The following COL6A6 variants were observed in gnomAD, a reference collection of about 807,000 sequenced individuals.
The protein encoded by COL6A6 is collagen type VI alpha 6 chain.
In COL6A6, 183 loss-of-function variants were observed where a neutral mutation model predicts 208.6. The ratio of observed to expected loss-of-function variants is 0.88; its 90% CI spans 0.78 to 0.99. The LOEUF (loss-of-function observed/expected upper bound fraction) is 0.99, where lower values mean the gene tolerates loss of function less well. Among genes scored for constraint, COL6A6 ranks in the 50% least tolerant of loss-of-function variants. The pLI is 0.00. For synonymous variants in COL6A6, 973 were observed against 1,011.8 expected, an observed-to-expected ratio of 0.96 and a Z score of 0.73; for missense variants, 2,816 against 2,815.2, an observed-to-expected ratio of 1.00 and a Z score of -0.01.
At chr3:130,575,786 C>T (rs932139589) in intron 8 of COL6A6, among the ~76,000 whole-genome samples, 1 of 152,168 alleles carries the variant, frequency 6.6e-6, no homozygotes, top group African/African-American at 2.4e-5. Flanking sequence ...CTGAAAATAG[C>T]CCGTGTCTAA....
chr3:130,522,949 C>T (rs2107670222), intron 1 of COL6A6, among the ~76,000 whole-genome samples: 1 of 151,598 alleles, frequency 6.6e-6, no homozygotes, highest in Middle Eastern at 3.4e-3. Context: ...GTAGCATTCT[C>T]CACACTTCAG....
Position 130,661,627 on chromosome 3 carries a change from T to A in COL6A6, c.5831-10T>A, listed in dbSNP as rs769257944. 6.3e-7 allele frequency: 1 copy of A among 1,582,290 alleles called. No individual in the cohort carries two copies. Among genetic ancestry groups the A allele is most frequent in the East Asian group, 2.2e-5 (1 of 44,532 alleles). ...CTACTTAGTAACCCAGAGTAACTTTTGGTTCACAGATGTGTGCAAGCCAGA... is the reference window on the plus strand; with the variant it reads ...CTACTTAGTAACCCAGAGTAACTTTAGGTTCACAGATGTGTGCAAGCCAGA... On this transcript the variant is annotated splice_polypyrimidine_tract_variant and intron_variant, in intron 34 of 36. Transcript: ENST00000358511.
intron 28 of COL6A6, among the ~76,000 whole-genome samples, chr3:130,639,589 G>A (rs2065252979): frequency 6.6e-6 from 1 of 152,116 alleles, no homozygotes. Flanking sequence ...GCTACCAGGG[G>A]GCTGAGGTGT....
intron 1 of COL6A6, among the ~76,000 whole-genome samples, chr3:130,519,788 C>T (rs984608931): frequency 3.9e-5 from 6 of 152,106 alleles, no homozygotes; most frequent in Admixed American, 2.0e-4. Context: ...ATGGTGATGG[C>T]GATGGTGGTG....
chr3:130,567,411 G>C (rs1267882611), intron 5 of COL6A6, 149 bp downstream of exon 5: 1 of 662,574 alleles, frequency 1.5e-6, no homozygotes, highest in Non-Finnish European at 2.6e-6. Flanking sequence ...ACAAAGCTAA[G>C]AGCCCATTAT....
chr3:130,667,716 C>T (rs999414705), intron 36 of COL6A6, among the ~76,000 whole-genome samples: 2 of 151,668 alleles, frequency 1.3e-5, no homozygotes, highest in African/African-American at 4.8e-5. Flanking sequence ...AAGACATCAA[C>T]AAAAATAATC....
intron 2 of COL6A6, among the ~76,000 whole-genome samples, chr3:130,562,275 A>T: frequency 6.6e-6 from 1 of 152,238 alleles, no homozygotes; most frequent in East Asian, 1.9e-4. Context: ...ATGAAGCTTT[A>T]AAGGTTAAGC....
chr3:130,672,293 A>C (rs2066237366), intron 36 of COL6A6, among the ~76,000 whole-genome samples: 1 of 152,240 alleles, frequency 6.6e-6, no homozygotes, highest in South Asian at 2.1e-4. Flanking sequence ...AGACGATTTC[A>C]TTCTTTGTCT....
At chr3:130,597,967 ATCTACCAAC>A in intron 18 of COL6A6, among the ~76,000 whole-genome samples, 1 of 152,212 alleles carries the variant, frequency 6.6e-6, no homozygotes, top group African/African-American at 2.4e-5. Context: ...GTAGAATAAA[ATCTACCAAC>A]TCTCAAGTGT....
At chr3:130,517,696 A>G (rs1710824071) in intron 1 of COL6A6, among the ~76,000 whole-genome samples, 1 of 152,262 alleles carries the variant, frequency 6.6e-6, no homozygotes. Context: ...ACCGCGCACC[A>G]GGGCGCCTCC....
Position 130,582,018 on chromosome 3 carries a change from A to T in COL6A6, c.3920A>T (p.Asp1307Val). 5 of 1,610,288 alleles carry T rather than the reference A, an allele frequency of 3.1e-6. No homozygotes were observed. Among genetic ancestry groups the T allele is most frequent in the Non-Finnish European group, 4.2e-6 (5 of 1,177,672 alleles). Residue 1307 changes from aspartate (D) to valine (V), a missense_variant, in exon 10 of 37, where the codon GAT becomes GTT. By Grantham distance (152) the Asp-to-Val change is radical. Coordinates refer to ENST00000358511, the MANE Select transcript of COL6A6 (RefSeq NM_001102608.3). ...KVVLLFSDGL[D>V]DDVEKLEQKS... ...GTCCTTTTATTTTCAGATGGATTGG[A>T]TGATGATGTTGAGAAACTTGAACAA...
At chr3:130,619,198 CA>C (rs1365854141) in intron 23 of COL6A6, among the ~76,000 whole-genome samples, 2 of 152,112 alleles carry the variant, frequency 1.3e-5, no homozygotes, top group African/African-American at 2.4e-5. Context: ...AAGAGAAATA[CA>C]CTAACAATTA....
At chr3:130,561,245 A>G (rs557943859) in intron 2 of COL6A6, among the ~76,000 whole-genome samples, 2 of 152,326 alleles carry the variant, frequency 1.3e-5, no homozygotes, top group East Asian at 1.9e-4. Context: ...ATAGAAAGTC[A>G]CTGGTGGTCA....
At chr3:130,523,170 T>G (rs1711174579) in intron 1 of COL6A6, among the ~76,000 whole-genome samples, 1 of 152,092 alleles carries the variant, frequency 6.6e-6, no homozygotes, top group Non-Finnish European at 1.5e-5. Context: ...CACTTGCATT[T>G]TGGAATCTCT....
intron 23 of COL6A6, among the ~76,000 whole-genome samples, chr3:130,614,502 A>G (rs1173128700): frequency 6.6e-6 from 1 of 152,194 alleles, no homozygotes; most frequent in Non-Finnish European, 1.5e-5. Context: ...AGGTTTTGGT[A>G]TCAGGATGAT....
intron 1 of COL6A6, among the ~76,000 whole-genome samples, chr3:130,539,805 T>A (rs1263558643): frequency 6.6e-6 from 1 of 152,196 alleles, no homozygotes; most frequent in East Asian, 1.9e-4. Context: ...GTGGGACAAA[T>A]ACTCCCTGCA....
intron 1 of COL6A6, among the ~76,000 whole-genome samples, chr3:130,544,481 C>T (rs1200686649): frequency 1.3e-5 from 2 of 152,164 alleles, no homozygotes; most frequent in African/African-American, 4.8e-5. Context: ...AACAGTGTTG[C>T]AATGAACAAA....
In COL6A6 at chr3:130,645,121, TTGC is replaced by T. The variant is rs2065430140; in HGVS notation, c.5239+126_5239+128del. The T allele has an allele frequency of 1.1e-5, 10 of 942,046 alleles. No homozygotes were observed. The Admixed American group carries it at 1.7e-4, about 16-fold the overall frequency. 58.4% of individuals were successfully genotyped at this position (942,046 alleles called of 1,614,324 possible). Reference sequence around the variant, plus strand: ...GACACAAATTTTATCTGGGCTTTCTTTGCTGCTGCCTCATACTGGTAGCAGAGT... The same window carrying T: ...GACACAAATTTTATCTGGGCTTTCTTTGCTGCCTCATACTGGTAGCAGAGT... On this transcript the variant is annotated intron_variant, in intron 32 of 36. Coordinates refer to ENST00000358511, the MANE Select transcript of COL6A6 (RefSeq NM_001102608.3).
At chr3:130,517,879 A>C (rs976095611) in intron 1 of COL6A6, among the ~76,000 whole-genome samples, 1 of 152,228 alleles carries the variant, frequency 6.6e-6, no homozygotes. Flanking sequence ...ACTTCACACA[A>C]ATTTATTAAA....
Sources: allele counts gnomAD v4.1 joint callset (sites outside exome capture counted in the v4.1 genomes callset), GRCh38; gene constraint gnomAD v4.1.1; transcripts MANE v1.5; gene names NCBI Gene and HGNC (gene_info 2026-07-23, HGNC 2026-07-21).